The following TAMM41 variants were observed in gnomAD, a reference collection of about 807,000 sequenced individuals.
TAMM41 encodes the protein phosphatidate cytidylyltransferase, mitochondrial.
In TAMM41, 36 loss-of-function variants were observed where a neutral mutation model predicts 44.1. The observed-to-expected ratio is 0.82, with a 90% CI of 0.63 to 1.08. The LOEUF (loss-of-function observed/expected upper bound fraction) is 1.08, where lower values mean the gene tolerates loss of function less well. TAMM41 is among the 50% of genes least tolerant of loss of function. The pLI is 0.00. For synonymous variants in TAMM41, 164 were observed against 153.1 expected, an observed-to-expected ratio of 1.07 and a Z score of -0.53; for missense variants, 417 against 404.3, an observed-to-expected ratio of 1.03 and a Z score of -0.27.
the TAMM41 span, among the ~76,000 whole-genome samples, chr3:11,737,966 G>A: frequency 3.9e-5 from 6 of 152,002 alleles, no homozygotes; most frequent in East Asian, 5.8e-4. Context: ...CACACCACAC[G>A]TTACTCACAA....
intron 7 of TAMM41, among the ~76,000 whole-genome samples, chr3:11,792,975 C>T (rs1006339293): frequency 6.9e-6 from 1 of 145,310 alleles, no homozygotes; most frequent in Non-Finnish European, 1.5e-5. Flanking sequence ...ACAGGGGAAT[C>T]GCTTGAGCCC....
chr3:11,735,789 G>A, the TAMM41 span, among the ~76,000 whole-genome samples: 1 of 152,108 alleles, frequency 6.6e-6, no homozygotes, highest in African/African-American at 2.4e-5. Flanking sequence ...GGAAGTTGAG[G>A]GAGCAAAGCA....
the TAMM41 span, among the ~76,000 whole-genome samples, chr3:11,771,824 C>T: frequency 1.3e-5 from 2 of 151,738 alleles, no homozygotes; most frequent in African/African-American, 2.4e-5. Flanking sequence ...CTCAGGTGAT[C>T]GACCCACCTC....
rs4684814 is a variant in TAMM41, at chr3:11,793,769, C to G, written c.938-3188G>C. On this transcript the variant is annotated intron_variant, in intron 7 of 7. Transcript: ENST00000455809. ...GGTTAAAAAATGGGTAAAACAGAAC[C>G]GTGGCACTGGGAGTCAGGCTGGAGC... 1.2e-4 allele frequency among the ~76,000 whole-genome samples: 18 copies of G among 151,958 alleles called. 1 individual carries two copies. In the East Asian group the frequency reaches 3.5e-3, roughly 29 times the overall value.
intron 4 of TAMM41, among the ~76,000 whole-genome samples, chr3:11,823,368 G>A (rs1285932490): frequency 6.7e-6 from 1 of 148,630 alleles, no homozygotes; most frequent in Admixed American, 6.8e-5. Flanking sequence ...CTATTCTCCT[G>A]CCTCAGCTTC....
At chr3:11,747,875 TTA>T in the TAMM41 span, among the ~76,000 whole-genome samples, 7 of 26,144 alleles carry the variant, frequency 2.7e-4, no homozygotes, top group South Asian at 2.7e-3. Context: ...TACTATTTAT[TTA>T]TTTATTTTTT....
At chr3:11,764,646 C>T in the TAMM41 span, among the ~76,000 whole-genome samples, 12 of 151,876 alleles carry the variant, frequency 7.9e-5, no homozygotes, top group African/African-American at 2.9e-4. Flanking sequence ...GTGCCCGCCA[C>T]CACGCCTGGC....
At chr3:11,740,007 A>G in the TAMM41 span, among the ~76,000 whole-genome samples, 1 of 152,180 alleles carries the variant, frequency 6.6e-6, no homozygotes, top group East Asian at 1.9e-4. Flanking sequence ...TTCTGTTACA[A>G]GAGGAATCAG....
chr3:11,785,816 A>G (rs1420345462), downstream of TAMM41, among the ~76,000 whole-genome samples: 1 of 151,364 alleles, frequency 6.6e-6, no homozygotes, highest in African/African-American at 2.4e-5. Flanking sequence ...ATGAGGTCTC[A>G]CTATGTTGTC....
intron 4 of TAMM41, among the ~76,000 whole-genome samples, chr3:11,821,427 T>C (rs963467628): frequency 2.0e-5 from 3 of 152,108 alleles, no homozygotes; most frequent in African/African-American, 4.8e-5. Flanking sequence ...GCAGTTCAAA[T>C]AGGTATTGCG....
At chr3:11,793,357 C>CTAAAA (rs2077531829) in intron 7 of TAMM41, among the ~76,000 whole-genome samples, 1 of 152,110 alleles carries the variant, frequency 6.6e-6, no homozygotes, top group Non-Finnish European at 1.5e-5. Flanking sequence ...TGAAAAAGAC[C>CTAAAA]TAAACAGGCA....
chr3:11,846,406 G>C, intron 1 of TAMM41, 96 bp downstream of exon 1: 1 of 1,419,428 alleles, frequency 7.0e-7, no homozygotes, highest in Non-Finnish European at 9.8e-7. Flanking sequence ...GGAGTGTGCA[G>C]AGCGGACAGG....
At chr3:11,789,157 T>G (rs1210819482), downstream of TAMM41, among the ~76,000 whole-genome samples, 4 of 152,116 alleles carry the variant, frequency 2.6e-5, no homozygotes, top group Admixed American at 6.5e-5. Context: ...GTGAAACTAT[T>G]CAGAGGCTCG....
At chr3:11,768,194 T>C in the TAMM41 span, among the ~76,000 whole-genome samples, 1 of 151,816 alleles carries the variant, frequency 6.6e-6, no homozygotes, top group Non-Finnish European at 1.5e-5. Flanking sequence ...TGGAGTGTAG[T>C]GGCGTGACCT....
rs9834300 is a variant in TAMM41 at position 11,808,589 on chromosome 3, T to C, written c.875-694A>G. ...AGGAGCTCAGTAAATATTTACTGAATGAAAACAGGAGAATGCACTCAATTG... is the reference window on the plus strand; with the variant it reads ...AGGAGCTCAGTAAATATTTACTGAACGAAAACAGGAGAATGCACTCAATTG... On this transcript the variant is annotated intron_variant, in intron 6 of 7. Transcript: ENST00000455809. 3,184 of 985,470 alleles carry C rather than the reference T, an allele frequency of 3.2e-3. 92 individuals are homozygous for C. The African/African-American group carries it at 0.051, about 16-fold the overall frequency. 61.0% of individuals were successfully genotyped at this position (985,470 alleles called of 1,614,324 possible).
the TAMM41 span, among the ~76,000 whole-genome samples, chr3:11,759,963 A>G: frequency 0.017 from 2,162 of 128,336 alleles, 53 homozygotes; most frequent in African/African-American, 0.056. Context: ...GACAAGAATG[A>G]AACTCCATCT....
At chr3:11,844,950 C>G in intron 1 of TAMM41, 1 of 456,704 alleles carries the variant, frequency 2.2e-6, no homozygotes, top group South Asian at 1.5e-5. Flanking sequence ...CTAGAGATGA[C>G]AAATCTGAGT....
downstream of TAMM41, among the ~76,000 whole-genome samples, chr3:11,786,281 TTAATTTTATTATTA>T (rs771002140): frequency 9.7e-5 from 12 of 124,258 alleles, no homozygotes; most frequent in Non-Finnish European, 1.4e-4. Flanking sequence ...ATTTATTTAT[TTAATTTTATTATTA>T]TTATTATTAT....
intron 2 of TAMM41, among the ~76,000 whole-genome samples, chr3:11,839,894 T>C (rs2079358235): frequency 1.3e-5 from 2 of 152,108 alleles, no homozygotes; most frequent in South Asian, 4.1e-4. Context: ...CTCCAATTAA[T>C]CCTATAGATA....
Sources: gnomAD v4.1 joint callset for allele counts (sites outside exome capture counted in the v4.1 genomes callset) on GRCh38, gnomAD v4.1.1 for gene constraint, MANE v1.5 for transcripts, NCBI Gene and HGNC (gene_info 2026-07-23, HGNC 2026-07-21) for gene names.